The following COL5A2 variants were observed in gnomAD, a reference collection of about 807,000 sequenced individuals.
COL5A2 encodes collagen type V alpha 2 chain, also known as collagen alpha-2(V) chain.
Under a neutral mutation model 208.2 loss-of-function variants are expected in COL5A2, and 23 were observed. The ratio of observed to expected loss-of-function variants is 0.11; its 90% CI spans 0.08 to 0.16. COL5A2 has a LOEUF of 0.16. COL5A2 is among the 10% of genes least tolerant of loss of function. The probability of loss-of-function intolerance (pLI) is 1.00; values close to 1 mark genes in which losing one functional copy is unlikely to be tolerated. For missense variants in COL5A2, 1,590 were observed against 1,956.4 expected (o/e 0.81, Z 3.53); for synonymous variants, 625 against 628.5 (o/e 0.99, Z 0.08).
the COL5A2 span, among the ~76,000 whole-genome samples, chr2:189,299,765 G>A: frequency 7.3e-3 from 1,106 of 152,218 alleles, 15 homozygotes; most frequent in African/African-American, 0.025. Context: ...AAGTCATGGT[G>A]CTTGCATATT....
chr2:189,392,243 C>T, the COL5A2 span, among the ~76,000 whole-genome samples: 1 of 152,064 alleles, frequency 6.6e-6, no homozygotes, highest in South Asian at 2.1e-4. Flanking sequence ...AATGCAATCC[C>T]TAGAATGAGT....
chr2:189,318,699 A>G, the COL5A2 span, among the ~76,000 whole-genome samples: 1 of 152,194 alleles, frequency 6.6e-6, no homozygotes, highest in Non-Finnish European at 1.5e-5. Flanking sequence ...TTTCTTAACA[A>G]CTTTTATTTT....
At chr2:189,297,954 T>A in the COL5A2 span, among the ~76,000 whole-genome samples, 3 of 152,210 alleles carry the variant, frequency 2.0e-5, no homozygotes, top group Non-Finnish European at 4.4e-5. Flanking sequence ...ATAGATTCCA[T>A]AACTTTCTAG....
chr2:189,196,889 C>T (rs549274739), intron 1 of COL5A2, among the ~76,000 whole-genome samples: 10 of 152,090 alleles, frequency 6.6e-5, no homozygotes, highest in South Asian at 6.2e-4. Context: ...GACAGTGTGG[C>T]GATTCCTCAA....
intron 1 of COL5A2, among the ~76,000 whole-genome samples, chr2:189,153,540 T>A (rs1041004119): frequency 1.3e-5 from 2 of 152,084 alleles, no homozygotes; most frequent in African/African-American, 2.4e-5. Context: ...CATAATGACA[T>A]CAATAGTTAC....
the COL5A2 span, among the ~76,000 whole-genome samples, chr2:189,290,254 C>G: frequency 6.6e-6 from 1 of 152,152 alleles, no homozygotes; most frequent in Non-Finnish European, 1.5e-5. Context: ...TAAGCACACG[C>G]TATGATGTTT....
chr2:189,320,106 C>T, the COL5A2 span, among the ~76,000 whole-genome samples: 23 of 152,082 alleles, frequency 1.5e-4, no homozygotes, highest in Non-Finnish European at 2.4e-4. Flanking sequence ...CTGAGGATTC[C>T]GACTATTAAA....
chr2:189,263,448 A>G, the COL5A2 span, among the ~76,000 whole-genome samples: 457 of 152,290 alleles, frequency 3.0e-3, 3 homozygotes, highest in African/African-American at 9.1e-3. Flanking sequence ...ATGGAGCTGA[A>G]AATTTCCTAT....
At chr2:189,401,811 C>G in the COL5A2 span, among the ~76,000 whole-genome samples, 337 of 152,252 alleles carry the variant, frequency 2.2e-3, no homozygotes, top group Admixed American at 4.4e-3. Flanking sequence ...TTGCATTTCT[C>G]TAATGATCAG....
intron 1 of COL5A2, among the ~76,000 whole-genome samples, chr2:189,208,915 T>C (rs547518700): frequency 9.8e-5 from 15 of 152,314 alleles, no homozygotes; most frequent in Admixed American, 2.0e-4. Context: ...CTGTTTGCTT[T>C]GTATTTTTGT....
intron 3 of COL5A2, among the ~76,000 whole-genome samples, 159 bp downstream of exon 3, chr2:189,104,105 A>T (rs1459216683): frequency 6.6e-6 from 1 of 152,030 alleles, no homozygotes; most frequent in African/African-American, 2.4e-5. Flanking sequence ...TCCTTTGGAA[A>T]CACAGTAGCT....
intron 52 of COL5A2, 46 bp downstream of exon 52, chr2:189,036,570 T>C (rs1685447640): frequency 1.4e-6 from 2 of 1,446,820 alleles, no homozygotes. Flanking sequence ...ATGTAATAAG[T>C]AGTAAAAAGT....
Position 189,081,839 on chromosome 2 carries a change from AC to A in COL5A2, c.853-797del, listed in dbSNP as rs1244197783. On this transcript the variant is annotated intron_variant, in intron 12 of 53. Transcript: ENST00000374866. ...CAACTATTTTGAAATGATGCTTGAA[AC>A]TTTTTCCTTATACTGTCTTAAAAGA... Among the ~76,000 whole-genome samples the A allele has an allele frequency of 3.3e-5, 5 of 152,140 alleles. No individual in the cohort carries two copies. In the East Asian group the frequency reaches 9.6e-4, roughly 29 times the overall value.
chr2:189,426,706 C>G, the COL5A2 span, among the ~76,000 whole-genome samples: 1 of 152,206 alleles, frequency 6.6e-6, no homozygotes, highest in African/African-American at 2.4e-5. Context: ...TTCCGCTATG[C>G]TTTAGCAAAG....
chr2:189,159,543 C>T (rs1688318119), intron 1 of COL5A2, among the ~76,000 whole-genome samples: 1 of 152,150 alleles, frequency 6.6e-6, no homozygotes, highest in African/African-American at 2.4e-5. Context: ...TCATTTTTGG[C>T]TCTTGCACTG....
chr2:189,355,915 C>T, the COL5A2 span, among the ~76,000 whole-genome samples: 6 of 152,052 alleles, frequency 3.9e-5, no homozygotes, highest in Admixed American at 1.3e-4. Flanking sequence ...TGGCTGGTAC[C>T]GGTTGTTCCT....
At chr2:189,265,857 A>G in the COL5A2 span, among the ~76,000 whole-genome samples, 1 of 152,336 alleles carries the variant, frequency 6.6e-6, no homozygotes, top group Non-Finnish European at 1.5e-5. Context: ...AAACTCTCTC[A>G]TACACTGCTA....
intron 17 of COL5A2, among the ~76,000 whole-genome samples, chr2:189,072,640 C>T (rs1472114705): frequency 6.6e-6 from 1 of 151,836 alleles, no homozygotes; most frequent in African/African-American, 2.4e-5. Flanking sequence ...GGTGTAGTGG[C>T]TGGCGCCTAT....
intron 1 of COL5A2, among the ~76,000 whole-genome samples, chr2:189,133,918 GAA>G (rs922089920): frequency 4.6e-5 from 7 of 152,130 alleles, no homozygotes; most frequent in Middle Eastern, 3.4e-3. Flanking sequence ...AGACATACAT[GAA>G]ATCGCTGCCA....
Sources: gnomAD v4.1 joint callset for allele counts (sites outside exome capture counted in the v4.1 genomes callset) on GRCh38, gnomAD v4.1.1 for gene constraint, MANE v1.5 for transcripts, NCBI Gene and HGNC (gene_info 2026-07-23, HGNC 2026-07-21) for gene names.